Variants in SCN3A observed in about 807,000 individuals in gnomAD.
The protein encoded by SCN3A is sodium voltage-gated channel alpha subunit 3.
A neutral mutation model predicts 187.6 loss-of-function variants in SCN3A; 60 were observed. The ratio of observed to expected loss-of-function variants is 0.32; its 90% CI spans 0.26 to 0.40. The LOEUF is 0.40. SCN3A is among the 10% of genes least tolerant of loss of function. SCN3A has a pLI of 1.00. For synonymous variants in SCN3A, 788 were observed against 829.2 expected (o/e 0.95, Z 0.85); for missense variants, 1,601 against 2,428.2 (o/e 0.66, Z 7.16).
intron 2 of SCN3A, among the ~76,000 whole-genome samples, chr2:165,177,796 G>A (rs1015819368): frequency 1.2e-4 from 19 of 152,064 alleles, no homozygotes; most frequent in African/African-American, 2.9e-4. Flanking sequence ...TGTAAATTTC[G>A]AAATATGAGT....
chr2:165,199,384 T>G (rs531585128), intron 1 of SCN3A, among the ~76,000 whole-genome samples: 1 of 152,104 alleles, frequency 6.6e-6, no homozygotes, highest in East Asian at 1.9e-4. Flanking sequence ...TTCTCTGAAC[T>G]AAAACCCCTG....
At chr2:165,202,661 G>T (rs1333768290) in intron 1 of SCN3A, among the ~76,000 whole-genome samples, 2 of 151,962 alleles carry the variant, frequency 1.3e-5, no homozygotes, top group African/African-American at 4.8e-5. Flanking sequence ...ATTACAGTTT[G>T]GAGGCCTTAA....
chr2:165,169,830 T>A (rs893434793), intron 4 of SCN3A, among the ~76,000 whole-genome samples: 6 of 151,950 alleles, frequency 3.9e-5, no homozygotes, highest in African/African-American at 1.4e-4. Flanking sequence ...TTACATATGC[T>A]TTTTGACTAA....
At chr2:165,173,222 G>A (rs1690226294) in intron 3 of SCN3A, among the ~76,000 whole-genome samples, 1 of 152,154 alleles carries the variant, frequency 6.6e-6, no homozygotes, top group African/African-American at 2.4e-5. Context: ...CTCAAAAAAT[G>A]ATGCAGCCAA....
At chr2:165,203,236 G>C (rs570622316) in intron 1 of SCN3A, among the ~76,000 whole-genome samples, 3 of 151,914 alleles carry the variant, frequency 2.0e-5, no homozygotes, top group Non-Finnish European at 4.4e-5. Context: ...GGAACATATA[G>C]AGATTATTTT....
chr2:165,094,797 T>A (rs1685285505), intron 25 of SCN3A, among the ~76,000 whole-genome samples: 1 of 152,222 alleles, frequency 6.6e-6, no homozygotes, highest in Non-Finnish European at 1.5e-5. Context: ...TAATTTTACT[T>A]CTTCATTCAA....
Position 165,162,295 on chromosome 2 carries a change from TTA to T in SCN3A, c.1031+11_1031+12del, listed in dbSNP as rs770140662. The T allele has an allele frequency of 6.1e-5, 98 of 1,607,706 alleles. No individual in the cohort carries two copies. Among genetic ancestry groups the T allele is most frequent in the Middle Eastern group, 1.7e-4 (1 of 5,992 alleles). On this transcript the variant is annotated intron_variant, in intron 9 of 27. Coordinates refer to ENST00000283254, the MANE Select transcript of SCN3A (RefSeq NM_006922.4). Reference sequence around the variant, plus strand: ...AGAGTTCTATATCTTAAAAAATATATTATGTTTCTTACCCTGCATCTGAGCCA... The same window carrying T: ...AGAGTTCTATATCTTAAAAAATATATTGTTTCTTACCCTGCATCTGAGCCA...
chr2:165,172,901 A>G (rs917747529), intron 3 of SCN3A, among the ~76,000 whole-genome samples: 4 of 152,186 alleles, frequency 2.6e-5, no homozygotes, highest in Non-Finnish European at 4.4e-5. Context: ...GAAATGCAGA[A>G]TAAAATACTA....
Position 165,095,594 on chromosome 2 carries a change from T to C in SCN3A, c.4348A>G (p.Ile1450Val). Residue 1450 changes from isoleucine to valine, a missense_variant, in exon 25 of 28, where the codon ATC becomes GTC. By Grantham distance (29) the Ile-to-Val change is conservative (BLOSUM62 3). Coordinates refer to ENST00000283254, the MANE Select transcript of SCN3A (RefSeq NM_006922.4). ...AAGAATGACCCAAAGATGATAAAGA[T>C]GACAAAGTATAAATACATGTACAGA... ...ENLYMYLYFV[I>V]FIIFGSFFTL... 1.3e-6 allele frequency: 2 copies of C among 1,564,838 alleles called. No individual in the cohort carries two copies. Among genetic ancestry groups the C allele is most frequent in the Non-Finnish European group, 1.8e-6 (2 of 1,135,518 alleles).
intron 1 of SCN3A, among the ~76,000 whole-genome samples, chr2:165,203,483 T>G (rs1419836328): frequency 6.6e-6 from 1 of 152,030 alleles, no homozygotes; most frequent in Non-Finnish European, 1.5e-5. Context: ...CACTGGGCAT[T>G]TAAATAGATG....
In SCN3A at chr2:165,091,284, G is replaced by C. The variant is rs771953726; in HGVS notation, c.4869C>G (p.Ile1623Met). The change falls in exon 28 of 28, where the codon ATC becomes ATG. Residue 1623 changes from isoleucine to methionine, a missense_variant. Around this residue, in one of 11 missense-constraint regions of SCN3A, gnomAD observed 320 missense variants for 623.2 expected, o/e 0.51. Transcript: ENST00000283254. ...YFVSPTLFRV[I>M]RLARIGRILR... Reference sequence around the variant, plus strand: ...GGATTCGGCCAATCCTGGCAAGACGGATCACTCGGAACAAGGTAGGGGACA... The same window carrying C: ...GGATTCGGCCAATCCTGGCAAGACGCATCACTCGGAACAAGGTAGGGGACA... 6.2e-7 allele frequency: 1 copy of C among 1,614,074 alleles called. No homozygotes were observed. The highest frequency in any genetic ancestry group is 1.1e-5 in the South Asian group (1 of 91,084).
intron 2 of SCN3A, among the ~76,000 whole-genome samples, chr2:165,178,776 A>G (rs185497716): frequency 6.6e-6 from 1 of 152,292 alleles, no homozygotes; most frequent in Admixed American, 6.5e-5. Flanking sequence ...AGGTTTGAGA[A>G]AAATTCTGTT....
chr2:165,162,282 C>A (rs761825280), intron 9 of SCN3A, 26 bp downstream of exon 9: 1 of 1,591,116 alleles, frequency 6.3e-7, no homozygotes, highest in South Asian at 1.1e-5. Flanking sequence ...AGTTCTATAT[C>A]TTAAAAAATA....
intron 18 of SCN3A, among the ~76,000 whole-genome samples, chr2:165,125,363 G>GCA (rs1686924542): frequency 6.6e-6 from 1 of 151,902 alleles, no homozygotes. Flanking sequence ...GAGTGCAGTG[G>GCA]CGCAATCTCC....
rs759435316 is a variant in SCN3A, at chr2:165,164,473, A to G, written c.521T>C (p.Leu174Ser). Residue 174 changes from leucine (L) to serine (S), a missense_variant, in exon 6 of 28, where the codon TTG (leucine) becomes TCG (serine). Physicochemically the swap from Leu to Ser is moderately radical, Grantham distance 145. Transcript: ENST00000283254. ...IYTFESLIKI[L>S]ARGFCLEDFT... Reference sequence around the variant, plus strand: ...ATCTTCTAAGCAAAACCCTCTTGCCAAGATTTTTATAAGTGACTCAAAGGT... The same window carrying G: ...ATCTTCTAAGCAAAACCCTCTTGCCGAGATTTTTATAAGTGACTCAAAGGT... The G allele has an allele frequency of 1.2e-6, 2 of 1,613,810 alleles. No individual in the cohort carries two copies. The highest frequency in any genetic ancestry group is 1.7e-6 in the Non-Finnish European group (2 of 1,179,798).
At chr2:165,113,523 G>A (rs936474418) in intron 20 of SCN3A, among the ~76,000 whole-genome samples, 1 of 152,086 alleles carries the variant, frequency 6.6e-6, no homozygotes, top group Non-Finnish European at 1.5e-5. Context: ...AGGGAGAACT[G>A]GATAGTATTT....
rs139860168 is a variant in SCN3A, at chr2:165,139,592, G to A, written c.2036C>T (p.Thr679Met). 18 of 1,613,564 alleles carry A rather than the reference G, an allele frequency of 1.1e-5. No individual in the cohort carries two copies. The highest frequency in any genetic ancestry group is 6.7e-5 in the East Asian group (3 of 44,852). The change falls in exon 14 of 28, where the codon ACG becomes ATG. Residue 679 changes from threonine (T) to methionine (M), a missense_variant. Physicochemically the swap from Thr to Met is moderately conservative, Grantham distance 81. This residue lies in a region of SCN3A where 376 missense variants were observed against 476.0 expected (regional missense o/e 0.79). Coordinates refer to ENST00000283254, the MANE Select transcript of SCN3A (RefSeq NM_006922.4). ...QLPPEGTTTETEVRKRRLSSY... is the reference protein window; with the variant it reads ...QLPPEGTTTEMEVRKRRLSSY... ...GCTTAACCTTCTCTTTCTGACTTCCGTTTCTGTGGTGGTGCCCTGCAAACC... is the reference window on the plus strand; with the variant it reads ...GCTTAACCTTCTCTTTCTGACTTCCATTTCTGTGGTGGTGCCCTGCAAACC...
chr2:165,175,618 G>T (rs1026517485), intron 3 of SCN3A, among the ~76,000 whole-genome samples: 4 of 151,808 alleles, frequency 2.6e-5, no homozygotes, highest in Non-Finnish European at 5.9e-5. Flanking sequence ...CTAGGTTACT[G>T]GGGGGGAAAG....
At chr2:165,101,897 A>G (rs1685622584) in intron 21 of SCN3A, among the ~76,000 whole-genome samples, 2 of 152,226 alleles carry the variant, frequency 1.3e-5, no homozygotes, top group Admixed American at 6.5e-5. Context: ...ATACATTTTA[A>G]GAATTGAACA....
Sources: allele counts gnomAD v4.1 joint callset (sites outside exome capture counted in the v4.1 genomes callset), GRCh38; gene constraint gnomAD v4.1.1; regional missense constraint gnomAD v4.1.1; transcripts MANE v1.5; gene names NCBI Gene and HGNC (gene_info 2026-07-23, HGNC 2026-07-21).